Variants in HNMT observed in about 807,000 individuals in gnomAD.
The protein encoded by HNMT is histamine N-methyltransferase.
Under a neutral mutation model 32.1 loss-of-function variants are expected in HNMT, and 30 were observed. That is an observed-to-expected ratio of 0.93 (90% CI 0.70 to 1.27). The LOEUF is 1.27. Among genes scored for constraint, HNMT ranks in the 50% most tolerant of loss-of-function variants. The pLI, the probability that HNMT is intolerant of heterozygous loss-of-function variation, is 0.00. For missense variants in HNMT, 327 were observed against 346.0 expected, an observed-to-expected ratio of 0.95 and a Z score of 0.43; for synonymous variants, 125 against 119.0, an observed-to-expected ratio of 1.05 and a Z score of -0.33.
chr2:138,011,038 C>G (rs1455183737), intron 5 of HNMT, among the ~76,000 whole-genome samples: 1 of 151,758 alleles, frequency 6.6e-6, no homozygotes. Flanking sequence ...TGGCTTACAT[C>G]ATGTTGAAAA....
At chr2:137,978,107 A>T (rs1680341572) in intron 2 of HNMT, among the ~76,000 whole-genome samples, 1 of 152,048 alleles carries the variant, frequency 6.6e-6, no homozygotes. Context: ...ATCAGAGATC[A>T]AGAGTCTTAT....
intron 2 of HNMT, among the ~76,000 whole-genome samples, chr2:137,980,733 A>G (rs1435392969): frequency 6.6e-6 from 1 of 152,172 alleles, no homozygotes; most frequent in Non-Finnish European, 1.5e-5. Flanking sequence ...CCTTTTGACT[A>G]AGAATTTATA....
At chr2:137,997,417 A>T (rs1017182354) in intron 2 of HNMT, among the ~76,000 whole-genome samples, 4 of 152,200 alleles carry the variant, frequency 2.6e-5, no homozygotes, top group African/African-American at 9.6e-5. Flanking sequence ...CAAACATATG[A>T]AAAAAAGCTC....
rs1293910181 is a variant in HNMT, at chr2:138,016,248, A to T, written c.*2118A>T. ...GGTAAATGCTAAGTAAAGCGGGATC[A>T]ATGAATTATTTCCTTCTCAAACATT... On this transcript the variant is annotated 3_prime_UTR_variant, in exon 6 of 6. Transcript: ENST00000280097. 1.3e-5 allele frequency: 2 copies of T among 152,154 alleles called. No individual in the cohort carries two copies. The highest frequency in any genetic ancestry group is 4.8e-5 in the African/African-American group (2 of 41,426). The allele number at this position is 152,154 out of a possible 1,614,324, so 9.4% of individuals were successfully genotyped here.
At chr2:137,972,932 T>C (rs1039843469) in intron 2 of HNMT, among the ~76,000 whole-genome samples, 3 of 152,150 alleles carry the variant, frequency 2.0e-5, no homozygotes, top group African/African-American at 4.8e-5. Flanking sequence ...GCACAGTGAG[T>C]CCTTACATAA....
chr2:138,013,989 AACC>A lies in HNMT; in HGVS notation c.739_741del (p.Thr247del), dbSNP rs1402122387. 3 of 1,613,706 alleles carry A rather than the reference AACC, an allele frequency of 1.9e-6. No individual in the cohort carries two copies. The highest frequency in any genetic ancestry group is 2.5e-6 in the Non-Finnish European group (3 of 1,179,794). ...ACCTGCTTTGGGATTTTTTGACTGA[AACC>A]TGCAACTTTAATGCCACAGCACCAC... On this transcript the variant is annotated inframe_deletion, in exon 6 of 6. Transcript: ENST00000280097.
rs1354435282 is a variant in HNMT, at chr2:138,015,742, A to G, written c.*1612A>G. ...TGGGTATGGGGCCATGAAGACCTTGAAGAGCTTCACCAGAAGTATGGAAAT... is the reference window on the plus strand; with the variant it reads ...TGGGTATGGGGCCATGAAGACCTTGGAGAGCTTCACCAGAAGTATGGAAAT... On this transcript the variant is annotated 3_prime_UTR_variant, in exon 6 of 6. Transcript: ENST00000280097. The G allele has an allele frequency of 6.6e-6, 1 of 152,164 alleles. No homozygotes were observed. Among genetic ancestry groups the G allele is most frequent in the Non-Finnish European group, 1.5e-5 (1 of 68,012 alleles). The allele number at this position is 152,164 out of a possible 1,614,324, so 9.4% of individuals were successfully genotyped here. A position where few individuals can be genotyped will look rare whatever the true frequency, so the allele number is the denominator to read the frequency against.
At chr2:138,013,330 T>C (rs546245811) in intron 5 of HNMT, among the ~76,000 whole-genome samples, 3 of 152,220 alleles carry the variant, frequency 2.0e-5, no homozygotes, top group South Asian at 4.1e-4. Context: ...CTCATCTCTT[T>C]TCCCTCTGCC....
At chr2:137,997,265 C>G (rs1351772834) in intron 2 of HNMT, among the ~76,000 whole-genome samples, 1 of 151,842 alleles carries the variant, frequency 6.6e-6, no homozygotes, top group Non-Finnish European at 1.5e-5. Context: ...AATTTCTGTG[C>G]TCTACCCATC....
chr2:137,970,686 T>G (rs1366047193), intron 2 of HNMT, among the ~76,000 whole-genome samples: 2 of 151,852 alleles, frequency 1.3e-5, no homozygotes, highest in Non-Finnish European at 2.9e-5. Context: ...TTTGGGAGGC[T>G]GAGGGGGGCG....
intron 2 of HNMT, among the ~76,000 whole-genome samples, chr2:137,971,253 C>G (rs769232925): frequency 2.6e-5 from 4 of 151,968 alleles, no homozygotes; most frequent in Admixed American, 2.6e-4. Context: ...AATCTTGGCT[C>G]ACTGCAACCT....
At chr2:137,981,097 T>C (rs1680480890) in intron 2 of HNMT, 7 of 1,224,624 alleles carry the variant, frequency 5.7e-6, no homozygotes, top group Non-Finnish European at 7.7e-6. Context: ...TGTAATAGAA[T>C]TAAATTTTTC....
intron 1 of HNMT, 23 bp downstream of exon 1, chr2:137,964,651 C>T: frequency 6.2e-7 from 1 of 1,612,792 alleles, no homozygotes; most frequent in Non-Finnish European, 8.5e-7. Flanking sequence ...ACGTTGTTGT[C>T]AAAGGGACAA....
chr2:138,004,540 C>A (rs1451545591), intron 4 of HNMT, among the ~76,000 whole-genome samples: 1 of 151,936 alleles, frequency 6.6e-6, no homozygotes, highest in Non-Finnish European at 1.5e-5. Flanking sequence ...AGAGATTGAT[C>A]CAGAATTATT....
intron 4 of HNMT, among the ~76,000 whole-genome samples, chr2:138,003,077 T>A (rs7569778): frequency 1.7e-5 from 2 of 118,894 alleles, no homozygotes; most frequent in African/African-American, 6.6e-5. Flanking sequence ...CACTCTGGGG[T>A]CTGTTGTGGG....
intron 2 of HNMT, among the ~76,000 whole-genome samples, chr2:137,985,980 T>C (rs147938251): frequency 6.6e-6 from 1 of 152,020 alleles, no homozygotes; most frequent in African/African-American, 2.4e-5. Context: ...AAAAATAAAA[T>C]AAAATTAAAA....
At position 137,981,259 on chromosome 2, in the gene HNMT, G is replaced by A. The variant is rs376421030; in HGVS notation, c.190+11042G>A. 6.3e-5 allele frequency: 101 copies of A among 1,613,380 alleles called. No homozygotes were observed. Among genetic ancestry groups the A allele is most frequent in the Admixed American group, 2.8e-4 (17 of 59,890 alleles). On this transcript the variant is annotated intron_variant, in intron 2 of 5. Coordinates refer to ENST00000280097, the MANE Select transcript of HNMT (RefSeq NM_006895.3). ...GCTCCAGGGTTCTCAAGCGGAATTC[G>A]TGTTTCATTTTGTGTAGCACCCGTC...
At chr2:137,977,050 G>A (rs995758931) in intron 2 of HNMT, among the ~76,000 whole-genome samples, 2 of 152,116 alleles carry the variant, frequency 1.3e-5, no homozygotes, top group African/African-American at 4.8e-5. Context: ...CAGATTAAAT[G>A]ACTGTATACT....
At chr2:137,999,071 T>C (rs1204505701) in intron 2 of HNMT, among the ~76,000 whole-genome samples, 2 of 152,176 alleles carry the variant, frequency 1.3e-5, no homozygotes, top group African/African-American at 4.8e-5. Context: ...TTTCTACTTC[T>C]TAGTTGAATG....
Sources: allele counts gnomAD v4.1 joint callset (sites outside exome capture counted in the v4.1 genomes callset), GRCh38; gene constraint gnomAD v4.1.1; transcripts MANE v1.5; gene names NCBI Gene and HGNC (gene_info 2026-07-23, HGNC 2026-07-21).